The following FBRS variants were observed in gnomAD, a reference collection of about 807,000 sequenced individuals.
FBRS encodes probable fibrosin-1.
In FBRS, 15 loss-of-function variants were observed where a neutral mutation model predicts 86.1. The observed-to-expected ratio is 0.17, with a 90% CI of 0.12 to 0.27. FBRS has a LOEUF of 0.27. Ranked by LOEUF, FBRS falls within the 10% of genes least tolerant of loss-of-function variation. The pLI is 1.00. For synonymous variants in FBRS, 666 were observed against 575.8 expected (o/e 1.16, Z -2.24); for missense variants, 1,367 against 1,301.6 (o/e 1.05, Z -0.77).
rs2151270179 is a variant in FBRS at position 30,665,107 on chromosome 16, G to A, written c.1608+28G>A. 1 of 1,608,248 alleles carries A rather than the reference G, an allele frequency of 6.2e-7. No individual in the cohort carries two copies. The highest frequency in any genetic ancestry group is 8.5e-7 in the Non-Finnish European group (1 of 1,178,162). On this transcript the variant is annotated intron_variant, in intron 9 of 17. Coordinates refer to ENST00000356166, the MANE Select transcript of FBRS (RefSeq NM_001105079.3). The surrounding 1 kb of genome is among the most constrained non-coding windows in gnomAD (Gnocchi z 4.1). ...GAGTGTGTGTGTGCGTGTGCGTATG[G>A]GGTGTGTGGTGTGGGCGTGGATGCA... is the stretch of plus-strand genomic sequence containing the variant.
chr16:30,662,408 C>T lies in FBRS; in HGVS notation c.706-12C>T, dbSNP rs930533070. Reference sequence around the variant, plus strand: ...CCACAACCTAACTCTATCCCTTGCCCTTCTTCCCCAGGTCTCCGATGATGA... The same window carrying T: ...CCACAACCTAACTCTATCCCTTGCCTTTCTTCCCCAGGTCTCCGATGATGA... On this transcript the variant is annotated splice_polypyrimidine_tract_variant and intron_variant, in intron 4 of 17. Transcript: ENST00000356166. The T allele has an allele frequency of 4.5e-6, 7 of 1,550,344 alleles. No homozygotes were observed. In the Admixed American group the frequency reaches 5.9e-5, roughly 13 times the overall value.
At position 30,665,762 on chromosome 16, in the gene FBRS, A is replaced by G; in HGVS notation, c.1773+56A>G. 1 of 1,513,588 alleles carries G rather than the reference A, an allele frequency of 6.6e-7. No individual in the cohort carries two copies. Among genetic ancestry groups the G allele is most frequent in the Middle Eastern group, 1.7e-4 (1 of 5,908 alleles). The allele number at this position is 1,513,588 out of a possible 1,614,324, so 93.8% of individuals were successfully genotyped here. ...CTGGAAGGTGTGTTGCGGGGAGAAC[A>G]GAACTGACTTGAGGAGAGTGAACTG... On this transcript the variant is annotated intron_variant, in intron 11 of 17. Coordinates refer to ENST00000356166, the MANE Select transcript of FBRS (RefSeq NM_001105079.3). This position sits in a 1 kb window ranked among gnomAD's most constrained non-coding sequence, Gnocchi z 4.1.
At position 30,659,887 on chromosome 16, in the gene FBRS, CGAGGAGGAGCCTGAG is replaced by C; in HGVS notation, c.378_392del (p.Pro127_Glu131del). On this transcript the variant is annotated inframe_deletion, in exon 1 of 18. Transcript: ENST00000356166. ...AGGGGGGCGCAGACGACGGCGAAGCCGAGGAGGAGCCTGAGGAGGAGGAAGAGGAGGAGGAGGACT... is the reference window on the plus strand; with the variant it reads ...AGGGGGGCGCAGACGACGGCGAAGCCGAGGAGGAAGAGGAGGAGGAGGACT... 1 of 1,548,234 alleles carries C rather than the reference CGAGGAGGAGCCTGAG, an allele frequency of 6.5e-7. No homozygotes were observed. The highest frequency in any genetic ancestry group is 8.7e-7 in the Non-Finnish European group (1 of 1,147,084).
At position 30,669,213 on chromosome 16, in the gene FBRS, T is replaced by A; in HGVS notation, c.2511T>A (p.Ala837=). 1 of 1,543,710 alleles carries A rather than the reference T, an allele frequency of 6.5e-7. No individual in the cohort carries two copies. Among genetic ancestry groups the A allele is most frequent in the Non-Finnish European group, 8.7e-7 (1 of 1,143,038 alleles). ...AGGAGGCTGCCGCCGCCGCTGCCGC[T>A]GCTGCTGCCGCCGCCGCTGCCGCCG... ...RKEEAAAAAA[A]AAAAAAAAAA... The change falls in exon 18 of 18, where the codon GCT becomes GCA. Residue 837 remains alanine (A), a synonymous_variant. Coordinates refer to ENST00000356166, the MANE Select transcript of FBRS (RefSeq NM_001105079.3). This position sits in a 1 kb window ranked among gnomAD's most constrained non-coding sequence, Gnocchi z 5.9.
chr16:30,670,487 G>GC lies in FBRS; in HGVS notation c.*847dup. On this transcript the variant is annotated 3_prime_UTR_variant, in exon 18 of 18. Transcript: ENST00000356166. ...AGTCCCCTTCACCCCATTTCCAAGT[G>GC]CCCCCAGGACTCCTGGGCCCTGCTT... is the stretch of plus-strand genomic sequence containing the variant. The GC allele has an allele frequency of 3.1e-6, 1 of 320,970 alleles. No individual in the cohort carries two copies. The allele number at this position is 320,970 out of a possible 1,614,324, so 19.9% of individuals were successfully genotyped here. A position where few individuals can be genotyped will look rare whatever the true frequency, so the allele number is the denominator to read the frequency against.
chr16:30,667,180 G>C, intron 13 of FBRS, 140 bp from the exon 14 acceptor site: 2 of 918,240 alleles, frequency 2.2e-6, no homozygotes, highest in South Asian at 3.3e-5. Context: ...CTCAGAGAAG[G>C]CTCCGAGAGA....
Position 30,665,823 on chromosome 16 carries a change from TG to T in FBRS, c.1773+120del, listed in dbSNP as rs1158514680. On this transcript the variant is annotated intron_variant, in intron 11 of 17. Coordinates refer to ENST00000356166, the MANE Select transcript of FBRS (RefSeq NM_001105079.3). The surrounding 1 kb of genome is among the most constrained non-coding windows in gnomAD (Gnocchi z 4.1). ...CCTTGAATTCACAATCGGGTGTTCC[TG>T]GGTGTCTAATAGAGAGGGAATTTCT... The T allele has an allele frequency of 2.3e-5, 23 of 1,009,744 alleles. No individual in the cohort carries two copies. Among genetic ancestry groups the T allele is most frequent in the Non-Finnish European group, 3.2e-5 (22 of 678,960 alleles). 62.5% of individuals were successfully genotyped at this position (1,009,744 alleles called of 1,614,324 possible). A position where few individuals can be genotyped will look rare whatever the true frequency, so the allele number is the denominator to read the frequency against.
Position 30,668,869 on chromosome 16 carries a change from G to C in FBRS, c.2256G>C (p.Leu752=). 1 of 1,588,986 alleles carries C rather than the reference G, an allele frequency of 6.3e-7. No individual in the cohort carries two copies. Among genetic ancestry groups the C allele is most frequent in the Non-Finnish European group, 8.5e-7 (1 of 1,171,904 alleles). Residue 752 remains leucine (L), a synonymous_variant, in exon 17 of 18, where the codon CTG becomes CTC. Transcript: ENST00000356166. ...GGGGCCGCCTGCACCGCAGTCCTCT[G>C]ACCTTTCCTGCCTGGGTCCGGCCCC... The part of the protein sequence containing the change: ...DPWGRLHRSP[L]TFPAWVRPPE...
chr16:30,667,393 C>A lies in FBRS; in HGVS notation c.1949C>A (p.Pro650His), dbSNP rs1466425910. The A allele has an allele frequency of 3.2e-6, 5 of 1,551,864 alleles. No homozygotes were observed. The highest frequency in any genetic ancestry group is 3.5e-6 in the Non-Finnish European group (4 of 1,147,190). Residue 650 changes from proline to histidine, a missense_variant, in exon 14 of 18, where the codon CCT becomes CAT. Physicochemically the swap from Pro to His is moderately conservative, Grantham distance 77. This residue lies in a region of FBRS where 659 missense variants were observed against 678.8 expected (regional missense o/e 0.97). Coordinates refer to ENST00000356166, the MANE Select transcript of FBRS (RefSeq NM_001105079.3). ...CCGGGGCCCTATGGGGCCCTGCCCC[C>A]TGGGCAGGAGCTCTCCCACCCGGCC... ...CLPGPYGALP[P>H]GQELSHPASL...
rs2052416472 is a variant in FBRS, at chr16:30,658,820, C to G, written c.-699C>G. ...GAACTCGGCGGACTGCAACGCCAGC[C>G]TTAAAGGGGAAGCCGCCGAGCAGAC... On this transcript the variant is annotated 5_prime_UTR_variant, in exon 1 of 18. Transcript: ENST00000356166. The G allele has an allele frequency of 6.6e-6, 1 of 152,174 alleles. No homozygotes were observed. The highest frequency in any genetic ancestry group is 2.1e-4 in the South Asian group (1 of 4,834). The allele number at this position is 152,174 out of a possible 1,614,324, so 9.4% of individuals were successfully genotyped here.
Position 30,659,899 on chromosome 16 carries a change from TGAGGAGGAGGAA to T in FBRS, c.393_404del (p.Glu132_Glu135del), listed in dbSNP as rs779629745. On this transcript the variant is annotated inframe_deletion, in exon 1 of 18. Coordinates refer to ENST00000356166, the MANE Select transcript of FBRS (RefSeq NM_001105079.3). ...ACGACGGCGAAGCCGAGGAGGAGCC[TGAGGAGGAGGAA>T]GAGGAGGAGGAGGACTTGATCGATG... The T allele has an allele frequency of 6.1e-5, 95 of 1,549,912 alleles. No homozygotes were observed. The highest frequency in any genetic ancestry group is 4.2e-4 in the South Asian group (35 of 84,154).
Position 30,665,467 on chromosome 16 carries a change from A to G in FBRS, c.1704+66A>G. ...GACAAACCCAGACACGCCGGGTCCA[A>G]GCACCCTTCTCCCATTCCCCAAAGT... On this transcript the variant is annotated intron_variant, in intron 10 of 17. Coordinates refer to ENST00000356166, the MANE Select transcript of FBRS (RefSeq NM_001105079.3). This position sits in a 1 kb window ranked among gnomAD's most constrained non-coding sequence, Gnocchi z 4.1. 2 of 1,480,070 alleles carry G rather than the reference A, an allele frequency of 1.4e-6. No individual in the cohort carries two copies. Among genetic ancestry groups the G allele is most frequent in the Non-Finnish European group, 1.8e-6 (2 of 1,082,278 alleles). The allele number at this position is 1,480,070 out of a possible 1,614,324, so 91.7% of individuals were successfully genotyped here.
At position 30,665,920 on chromosome 16, in the gene FBRS, G is replaced by A. The variant is rs2052517701; in HGVS notation, c.1773+214G>A. 3 of 537,094 alleles carry A rather than the reference G, an allele frequency of 5.6e-6. No homozygotes were observed. The highest frequency in any genetic ancestry group is 9.8e-6 in the Non-Finnish European group (3 of 305,238). 33.3% of individuals were successfully genotyped at this position (537,094 alleles called of 1,614,324 possible). On this transcript the variant is annotated intron_variant, in intron 11 of 17. Coordinates refer to ENST00000356166, the MANE Select transcript of FBRS (RefSeq NM_001105079.3). The surrounding 1 kb of genome is among the most constrained non-coding windows in gnomAD (Gnocchi z 4.1). The stretch of plus-strand genomic sequence containing the variant: ...GCTTGTCCCAGAAATAGGATGATTA[G>A]GACAATGGTTTTTGTAGTGGTTTTC...
chr16:30,664,533 G>A lies in FBRS; in HGVS notation c.1357+17G>A. Reference sequence around the variant, plus strand: ...CCCTTTCTGGTGAGTTTGGGGTCCTGGCCGGGGGGTGGGGGGCCATCACCC... The same window carrying A: ...CCCTTTCTGGTGAGTTTGGGGTCCTAGCCGGGGGGTGGGGGGCCATCACCC... On this transcript the variant is annotated intron_variant, in intron 7 of 17. Transcript: ENST00000356166. 2.1e-6 allele frequency: 3 copies of A among 1,423,094 alleles called. No individual in the cohort carries two copies. Among genetic ancestry groups the A allele is most frequent in the Non-Finnish European group, 2.7e-6 (3 of 1,091,740 alleles). 88.2% of individuals were successfully genotyped at this position (1,423,094 alleles called of 1,614,324 possible). A position where few individuals can be genotyped will look rare whatever the true frequency, so the allele number is the denominator to read the frequency against.
intron 2 of FBRS, among the ~76,000 whole-genome samples, chr16:30,660,820 G>A (rs1464427765): frequency 6.6e-6 from 1 of 152,212 alleles, no homozygotes; most frequent in Non-Finnish European, 1.5e-5. Context: ...AAGATGGGGA[G>A]AGATGCTACA....
chr16:30,664,245 C>A lies in FBRS; in HGVS notation c.1086C>A (p.Ala362=). Residue 362 remains alanine, a synonymous_variant, in exon 7 of 18, where the codon GCC becomes GCA. Coordinates refer to ENST00000356166, the MANE Select transcript of FBRS (RefSeq NM_001105079.3). The part of the protein sequence containing the change: ...SSSRPPPKAP[A]PPVAQPPPSS... Reference sequence around the variant, plus strand: ...CACGGCCGCCCCCCAAGGCCCCGGCCCCTCCCGTGGCTCAGCCTCCCCCCT... The same window carrying A: ...CACGGCCGCCCCCCAAGGCCCCGGCACCTCCCGTGGCTCAGCCTCCCCCCT... 1.4e-6 allele frequency: 2 copies of A among 1,470,544 alleles called. No homozygotes were observed. The highest frequency in any genetic ancestry group is 2.7e-5 in the South Asian group (2 of 73,832). The allele number at this position is 1,470,544 out of a possible 1,614,324, so 91.1% of individuals were successfully genotyped here. A position where few individuals can be genotyped will look rare whatever the true frequency, so the allele number is the denominator to read the frequency against.
Position 30,661,284 on chromosome 16 carries a change from C to T in FBRS, c.676-20C>T, listed in dbSNP as rs547228016. 55 of 1,550,726 alleles carry T rather than the reference C, an allele frequency of 3.5e-5. No individual in the cohort carries two copies. The highest frequency in any genetic ancestry group is 1.7e-4 in the Middle Eastern group (1 of 6,016). On this transcript the variant is annotated intron_variant, in intron 3 of 17. Transcript: ENST00000356166. ...GGGCCTCTTCCCTCTCGTGACACCT[C>T]TGTCTTTCCTTCTCCCCAGTGTGAC...
intron 15 of FBRS, 132 bp downstream of exon 15, chr16:30,667,754 C>T (rs1256303695): frequency 2.8e-6 from 2 of 715,974 alleles, no homozygotes; most frequent in African/African-American, 3.6e-5. Flanking sequence ...GGGCAGGTTA[C>T]TCTACCCCCT....
rs1242597101 is a variant in FBRS, at chr16:30,669,164, T to C, written c.2462T>C (p.Val821Ala). The C allele has an allele frequency of 1.3e-6, 2 of 1,557,968 alleles. No individual in the cohort carries two copies. The highest frequency in any genetic ancestry group is 1.7e-6 in the Non-Finnish European group (2 of 1,151,866). ...GGGCCTCGGCCAACCAAGGAATCTGTGCGGGTAAAGGAAGAGCGGAAGGAG... is the reference window on the plus strand; with the variant it reads ...GGGCCTCGGCCAACCAAGGAATCTGCGCGGGTAAAGGAAGAGCGGAAGGAG... ...EEGPRPTKES[V>A]RVKEERKEEA... The change falls in exon 18 of 18, where the codon GTG becomes GCG. Residue 821 changes from valine (V) to alanine (A), a missense_variant. This residue lies in a region of FBRS where 659 missense variants were observed against 678.8 expected (regional missense o/e 0.97). Coordinates refer to ENST00000356166, the MANE Select transcript of FBRS (RefSeq NM_001105079.3). This position sits in a 1 kb window ranked among gnomAD's most constrained non-coding sequence, Gnocchi z 5.9.
Sources: allele counts gnomAD v4.1 joint callset (sites outside exome capture counted in the v4.1 genomes callset), GRCh38; gene constraint gnomAD v4.1.1; regional missense constraint gnomAD v4.1.1; non-coding constraint Gnocchi (gnomAD v3.1); transcripts MANE v1.5; gene names NCBI Gene and HGNC (gene_info 2026-07-23, HGNC 2026-07-21).